Variants in MAGI2 observed in about 807,000 individuals in gnomAD.
MAGI2 encodes membrane associated guanylate kinase, WW and PDZ domain containing 2.
MAGI2 carries 35 observed loss-of-function variants against 133.3 expected under a neutral mutation model. That is an observed-to-expected ratio of 0.26 (90% CI 0.20 to 0.35). The LOEUF (loss-of-function observed/expected upper bound fraction) is 0.35. Ranked by LOEUF, MAGI2 falls within the 10% of genes least tolerant of loss-of-function variation. The pLI, the probability that MAGI2 is intolerant of heterozygous loss-of-function variation, is 1.00. For synonymous variants in MAGI2, 729 were observed against 710.6 expected (o/e 1.03, Z -0.41); for missense variants, 1,636 against 1,863.4 (o/e 0.88, Z 2.25).
intron 1 of MAGI2, among the ~76,000 whole-genome samples, chr7:79,398,862 A>C (rs1383838528): frequency 6.6e-6 from 1 of 152,154 alleles, no homozygotes; most frequent in Non-Finnish European, 1.5e-5. Context: ...TTATAGCAAA[A>C]TACAGATGTA....
At position 78,994,338 on chromosome 7, in the gene MAGI2, G is replaced by C. The variant is rs148568990; in HGVS notation, c.418+12752C>G. ...TGAGAATGAGAGGAGACATGCTGCT[G>C]TTAAATATCAGCTACTAACCTTGGT... On this transcript the variant is annotated intron_variant, in intron 2 of 21. Transcript: ENST00000354212. Among the ~76,000 whole-genome samples the C allele has an allele frequency of 9.6e-3, 1,463 of 152,240 alleles. 21 individuals carry two copies. Among genetic ancestry groups the C allele is most frequent in the African/African-American group, 0.03 (1,239 of 41,566 alleles).
intron 6 of MAGI2, among the ~76,000 whole-genome samples, chr7:78,435,502 C>A (rs1800196606): frequency 6.6e-6 from 1 of 152,054 alleles, no homozygotes; most frequent in Non-Finnish European, 1.5e-5. Context: ...CTGAGCCTAC[C>A]CTGGTACATT....
chr7:79,225,590 A>G (rs1830783075), intron 1 of MAGI2, among the ~76,000 whole-genome samples: 1 of 152,228 alleles, frequency 6.6e-6, no homozygotes, highest in Non-Finnish European at 1.5e-5. Flanking sequence ...AGTAACATAA[A>G]ACATCCTAAA....
At chr7:79,304,356 T>C (rs1260124291) in intron 1 of MAGI2, among the ~76,000 whole-genome samples, 2 of 151,992 alleles carry the variant, frequency 1.3e-5, no homozygotes, top group Non-Finnish European at 2.9e-5. Flanking sequence ...AGAGTATTTG[T>C]ATTATATGAA....
At chr7:79,347,256 C>T (rs1841390084) in intron 1 of MAGI2, among the ~76,000 whole-genome samples, 1 of 151,702 alleles carries the variant, frequency 6.6e-6, no homozygotes, top group South Asian at 2.1e-4. Flanking sequence ...AAATCATAAC[C>T]AAAAACATAT....
At chr7:78,756,605 C>T (rs558963449) in intron 2 of MAGI2, among the ~76,000 whole-genome samples, 15 of 152,116 alleles carry the variant, frequency 9.9e-5, no homozygotes, top group Admixed American at 2.0e-4. Context: ...CACTTTGATG[C>T]GACATCATGG....
intron 1 of MAGI2, among the ~76,000 whole-genome samples, chr7:79,080,105 A>G (rs1815909702): frequency 6.6e-6 from 1 of 152,140 alleles, no homozygotes; most frequent in Non-Finnish European, 1.5e-5. Flanking sequence ...ACTGCTTCAA[A>G]TGTTCACAGT....
intron 20 of MAGI2, among the ~76,000 whole-genome samples, chr7:78,109,857 T>G (rs923694005): frequency 6.6e-6 from 1 of 152,158 alleles, no homozygotes; most frequent in Non-Finnish European, 1.5e-5. Flanking sequence ...GTCTGTATTG[T>G]GGCAGTGGCA....
At chr7:78,998,072 G>A (rs1379077682) in intron 2 of MAGI2, among the ~76,000 whole-genome samples, 1 of 152,116 alleles carries the variant, frequency 6.6e-6, no homozygotes, top group Admixed American at 6.5e-5. Context: ...CATGAATAGT[G>A]AAGGCAGATT....
At chr7:78,926,552 T>C (rs1342099000) in intron 2 of MAGI2, among the ~76,000 whole-genome samples, 2 of 151,950 alleles carry the variant, frequency 1.3e-5, no homozygotes, top group Non-Finnish European at 2.9e-5. Context: ...CCCTTCAAGA[T>C]TCCAAATGCC....
chr7:78,723,578 G>A (rs1820473450), intron 2 of MAGI2, among the ~76,000 whole-genome samples: 1 of 152,146 alleles, frequency 6.6e-6, no homozygotes, highest in Admixed American at 6.5e-5. Flanking sequence ...AGTATGAAGG[G>A]CAATTAAGAA....
chr7:78,644,980 T>A (rs781642015), intron 2 of MAGI2, among the ~76,000 whole-genome samples: 2 of 152,192 alleles, frequency 1.3e-5, no homozygotes, highest in African/African-American at 2.4e-5. Flanking sequence ...AATGGTATAT[T>A]ATAAATTTAT....
chr7:79,312,190 G>C (rs1838343157), intron 1 of MAGI2, among the ~76,000 whole-genome samples: 1 of 152,166 alleles, frequency 6.6e-6, no homozygotes, highest in African/African-American at 2.4e-5. Flanking sequence ...GTCGAAGCAT[G>C]TCAATCAATC....
intron 1 of MAGI2, among the ~76,000 whole-genome samples, chr7:79,175,764 T>C (rs1299698401): frequency 6.6e-6 from 1 of 152,054 alleles, no homozygotes; most frequent in Non-Finnish European, 1.5e-5. Flanking sequence ...TAAGTATTTG[T>C]GTATTCGAAT....
rs761536855 is a variant in MAGI2, at chr7:78,166,077, CCTAA to C, written c.2596+1835_2596+1838del. ...AATGCACTTGAAATGCACTCAAAAG[CCTAA>C]CTGAGTAAAGTTGGTAAGAGCTGCA... On this transcript the variant is annotated intron_variant, in intron 15 of 21. Transcript: ENST00000354212. 7.2e-5 allele frequency among the ~76,000 whole-genome samples: 11 copies of C among 152,170 alleles called. 1 individual carries two copies. Among genetic ancestry groups the C allele is most frequent in the Non-Finnish European group, 4.4e-5 (3 of 68,032 alleles).
chr7:78,296,992 G>A (rs1369941421), intron 9 of MAGI2, among the ~76,000 whole-genome samples: 1 of 152,148 alleles, frequency 6.6e-6, no homozygotes, highest in African/African-American at 2.4e-5. Context: ...TATGAAACTA[G>A]GGCTACTTCC....
intron 1 of MAGI2, among the ~76,000 whole-genome samples, chr7:79,258,363 A>T (rs1369648143): frequency 6.6e-6 from 1 of 152,228 alleles, no homozygotes; most frequent in Non-Finnish European, 1.5e-5. Context: ...ACTAATCAAC[A>T]GGGGAAAAAA....
intron 1 of MAGI2, among the ~76,000 whole-genome samples, chr7:79,284,824 G>A (rs908028920): frequency 6.6e-6 from 1 of 152,056 alleles, no homozygotes; most frequent in African/African-American, 2.4e-5. Flanking sequence ...TACAGTAAGT[G>A]TTCTGGAAGA....
At chr7:78,594,623 A>G (rs1804402770) in intron 3 of MAGI2, among the ~76,000 whole-genome samples, 1 of 151,954 alleles carries the variant, frequency 6.6e-6, no homozygotes, top group South Asian at 2.1e-4. Context: ...ATGCCCAGCT[A>G]ATTTTTGTAT....
Sources: allele counts gnomAD v4.1 joint callset (sites outside exome capture counted in the v4.1 genomes callset), GRCh38; gene constraint gnomAD v4.1.1; transcripts MANE v1.5; gene names NCBI Gene and HGNC (gene_info 2026-07-23, HGNC 2026-07-21).